The following SPAG16 variants were observed in gnomAD, a reference collection of about 807,000 sequenced individuals.
SPAG16 encodes sperm associated antigen 16.
SPAG16 carries 86 observed loss-of-function variants against 80.4 expected under a neutral mutation model. That is an observed-to-expected ratio of 1.07 (90% confidence interval 0.90 to 1.28). The LOEUF (loss-of-function observed/expected upper bound fraction) is 1.28, where lower values mean the gene tolerates loss of function less well. Among genes scored for constraint, SPAG16 ranks in the 50% most tolerant of loss-of-function variants. The pLI is 0.00. For missense variants in SPAG16, 870 were observed against 765.3 expected (o/e 1.14, Z -1.61); for synonymous variants, 294 against 265.9 (o/e 1.11, Z -1.03).
intron 15 of SPAG16, among the ~76,000 whole-genome samples, chr2:214,323,993 TA>T (rs1472448564): frequency 6.6e-6 from 1 of 152,198 alleles, no homozygotes; most frequent in Non-Finnish European, 1.5e-5. Context: ...TCCTAATGAT[TA>T]AAAGGTCTGA....
At chr2:213,396,773 C>T (rs2125320218) in intron 9 of SPAG16, 1 of 392,002 alleles carries the variant, frequency 2.6e-6, no homozygotes, top group Non-Finnish European at 5.2e-6. Context: ...TTGTTCTCCT[C>T]CAATCCTCCC....
chr2:213,512,041 G>T (rs1426337203), intron 10 of SPAG16, among the ~76,000 whole-genome samples: 2 of 151,994 alleles, frequency 1.3e-5, no homozygotes, highest in Admixed American at 1.3e-4. Flanking sequence ...GAGAAGCACA[G>T]ATTATATTTT....
At chr2:213,771,144 A>G (rs754266347) in intron 10 of SPAG16, among the ~76,000 whole-genome samples, 6 of 152,140 alleles carry the variant, frequency 3.9e-5, no homozygotes, top group Non-Finnish European at 7.4e-5. Flanking sequence ...CTTTTTAATT[A>G]TCACCATTCT....
chr2:214,122,217 T>G (rs1421599965), intron 14 of SPAG16, among the ~76,000 whole-genome samples: 5 of 151,804 alleles, frequency 3.3e-5, no homozygotes, highest in Admixed American at 3.3e-4. Context: ...TAAAAAAGAA[T>G]GTGTAACTGT....
At chr2:213,629,742 C>T (rs2062077897) in intron 10 of SPAG16, among the ~76,000 whole-genome samples, 1 of 152,140 alleles carries the variant, frequency 6.6e-6, no homozygotes, top group Non-Finnish European at 1.5e-5. Flanking sequence ...TAGTTGACTT[C>T]TGGCTGGGTA....
rs144965557 is a variant in SPAG16, at chr2:213,344,907, C to T, written c.644+4637C>T. 2.9e-3 allele frequency among the ~76,000 whole-genome samples: 439 copies of T among 151,574 alleles called. 1 individual carries two copies. The highest frequency in any genetic ancestry group is 4.9e-3 in the Non-Finnish European group (329 of 67,756). ...TTGGGTATATACCCAGTAATGGGAT[C>T]GCTGGGTCAAATGGTATTTCTAGTT... On this transcript the variant is annotated intron_variant, in intron 6 of 15. Transcript: ENST00000331683.
chr2:213,442,234 C>T (rs981310790), intron 9 of SPAG16, among the ~76,000 whole-genome samples: 1 of 152,164 alleles, frequency 6.6e-6, no homozygotes, highest in African/African-American at 2.4e-5. Context: ...ATAAAATATG[C>T]ACCAGATCTG....
chr2:213,366,898 A>G (rs1185379228), intron 8 of SPAG16, among the ~76,000 whole-genome samples: 2 of 152,036 alleles, frequency 1.3e-5, no homozygotes, highest in Non-Finnish European at 2.9e-5. Flanking sequence ...TTAACTCATC[A>G]TTTACATTAG....
In SPAG16 at chr2:213,946,797, A is replaced by T. The variant is rs575400573; in HGVS notation, c.1400+16652A>T. ...ATGCAACCAACACCATAATCAGGAT[A>T]CAGATTTGTCCACAACCATTTAAAA... On this transcript the variant is annotated intron_variant, in intron 12 of 15. Coordinates refer to ENST00000331683, the MANE Select transcript of SPAG16 (RefSeq NM_024532.5). Among the ~76,000 whole-genome samples the T allele has an allele frequency of 6.6e-5, 10 of 152,304 alleles. No homozygotes were observed. The East Asian group carries it at 1.9e-3, about 29-fold the overall frequency.
intron 15 of SPAG16, among the ~76,000 whole-genome samples, chr2:214,197,812 T>C (rs946056882): frequency 1.3e-5 from 2 of 151,960 alleles, no homozygotes; most frequent in Admixed American, 1.3e-4. Flanking sequence ...GTTTTTCCAC[T>C]GAATTAACCT....
chr2:213,518,088 G>C (rs2075509787), intron 10 of SPAG16, among the ~76,000 whole-genome samples: 1 of 152,104 alleles, frequency 6.6e-6, no homozygotes, highest in African/African-American at 2.4e-5. Flanking sequence ...GAATCTGTAA[G>C]AAACTTAACA....
At chr2:214,392,068 G>A (rs1257313641) in intron 15 of SPAG16, among the ~76,000 whole-genome samples, 6 of 152,176 alleles carry the variant, frequency 3.9e-5, no homozygotes, top group African/African-American at 1.4e-4. Flanking sequence ...ATTCATTGCT[G>A]AAGAAATTGA....
intron 10 of SPAG16, among the ~76,000 whole-genome samples, chr2:213,612,464 A>G (rs1051039577): frequency 6.6e-6 from 1 of 152,088 alleles, no homozygotes; most frequent in African/African-American, 2.4e-5. Context: ...TTGTGTCATC[A>G]CTTAGATATC....
intron 15 of SPAG16, among the ~76,000 whole-genome samples, chr2:214,174,947 G>A (rs1173049644): frequency 6.6e-6 from 1 of 151,630 alleles, no homozygotes; most frequent in East Asian, 1.9e-4. Context: ...ACTGAGAACT[G>A]TATTCCTTGG....
intron 9 of SPAG16, among the ~76,000 whole-genome samples, chr2:213,407,974 A>T (rs1287181990): frequency 8.9e-6 from 1 of 111,898 alleles, no homozygotes; most frequent in African/African-American, 3.0e-5. Flanking sequence ...AGAGAGAGAC[A>T]GGAGAGAGAG....
intron 13 of SPAG16, among the ~76,000 whole-genome samples, chr2:214,052,945 A>C (rs2049738002): frequency 6.6e-6 from 1 of 152,224 alleles, no homozygotes; most frequent in Non-Finnish European, 1.5e-5. Context: ...CGTCTTCTCT[A>C]GAAATGACAG....
At chr2:213,573,226 C>G (rs773882317) in intron 10 of SPAG16, among the ~76,000 whole-genome samples, 5 of 151,866 alleles carry the variant, frequency 3.3e-5, no homozygotes, top group Non-Finnish European at 7.4e-5. Flanking sequence ...AGCTGTAGAC[C>G]GGAGCTGTTC....
intron 7 of SPAG16, among the ~76,000 whole-genome samples, chr2:213,359,428 C>T (rs576671480): frequency 6.6e-6 from 1 of 152,290 alleles, no homozygotes; most frequent in Admixed American, 6.5e-5. Flanking sequence ...CGGTGGGCTC[C>T]TCCAGTTTGA....
intron 10 of SPAG16, among the ~76,000 whole-genome samples, chr2:213,824,564 T>C (rs2073153811): frequency 6.6e-6 from 1 of 152,230 alleles, no homozygotes; most frequent in Non-Finnish European, 1.5e-5. Context: ...ATATATGTAT[T>C]TGTTTCTGCA....
Sources: allele counts gnomAD v4.1 joint callset (sites outside exome capture counted in the v4.1 genomes callset), GRCh38; gene constraint gnomAD v4.1.1; transcripts MANE v1.5; gene names NCBI Gene and HGNC (gene_info 2026-07-23, HGNC 2026-07-21).